The following TMEM39B variants were observed in gnomAD, a reference collection of about 807,000 sequenced individuals.
TMEM39B encodes transmembrane protein 39B.
In TMEM39B, 23 loss-of-function variants were observed where a neutral mutation model predicts 52.2. That is an observed-to-expected ratio of 0.44 (90% confidence interval 0.32 to 0.62). The LOEUF (loss-of-function observed/expected upper bound fraction) is 0.62, where lower values mean the gene tolerates loss of function less well. Ranked by LOEUF, TMEM39B falls within the 20% of genes least tolerant of loss-of-function variation. The pLI, the probability that TMEM39B is intolerant of heterozygous loss-of-function variation, is 0.06. For missense variants in TMEM39B, 547 were observed against 642.0 expected, an observed-to-expected ratio of 0.85 and a Z score of 1.60; for synonymous variants, 285 against 264.0, an observed-to-expected ratio of 1.08 and a Z score of -0.77.
intron 5 of TMEM39B, 56 bp downstream of exon 5, chr1:32,077,374 C>A: frequency 6.3e-7 from 1 of 1,598,096 alleles, no homozygotes; most frequent in African/African-American, 1.3e-5. Flanking sequence ...TGACCTCTGC[C>A]CTGACCGTAG....
chr1:32,097,242 C>A (rs980107469), intron 7 of TMEM39B, among the ~76,000 whole-genome samples: 22 of 152,160 alleles, frequency 1.4e-4, no homozygotes, highest in African/African-American at 5.3e-4. Context: ...GATCCTTCCC[C>A]CAAGACAAAC....
At chr1:32,089,987 G>A (rs373404967) in intron 5 of TMEM39B, among the ~76,000 whole-genome samples, 15 of 150,270 alleles carry the variant, frequency 1.0e-4, no homozygotes, top group East Asian at 4.1e-4. Context: ...TAAGATCGCG[G>A]CACTGCACTC....
chr1:32,075,171 A>G (rs1160172218), intron 2 of TMEM39B, 94 bp downstream of exon 2: 1 of 1,456,906 alleles, frequency 6.9e-7, no homozygotes, highest in African/African-American at 1.4e-5. Flanking sequence ...GTGAAATCCT[A>G]GATGCCAGTG....
chr1:32,076,316 G>T (rs1639858874), intron 3 of TMEM39B: 1 of 291,176 alleles, frequency 3.4e-6, no homozygotes. Flanking sequence ...TCACCATGTT[G>T]GTCAGGCTAG....
chr1:32,093,108 C>CT (rs998536247), intron 6 of TMEM39B, among the ~76,000 whole-genome samples: 8 of 151,144 alleles, frequency 5.3e-5, no homozygotes, highest in Admixed American at 6.6e-5. Flanking sequence ...CTTAATCTCT[C>CT]TTTTTTTTTA....
At chr1:32,073,926 T>C (rs1639746814) in intron 1 of TMEM39B, 1 of 976,556 alleles carries the variant, frequency 1.0e-6, no homozygotes, top group Non-Finnish European at 1.2e-6. Context: ...ATATATATTT[T>C]TTAATAGAGA....
intron 5 of TMEM39B, among the ~76,000 whole-genome samples, chr1:32,082,707 T>C (rs886282850): frequency 3.3e-5 from 5 of 152,162 alleles, no homozygotes; most frequent in African/African-American, 1.2e-4. Context: ...CCATTCATCT[T>C]GGCCTCCCAA....
chr1:32,096,054 G>T (rs1217201980), intron 7 of TMEM39B, among the ~76,000 whole-genome samples: 1 of 152,142 alleles, frequency 6.6e-6, no homozygotes, highest in East Asian at 1.9e-4. Flanking sequence ...AGATGTTTCT[G>T]CCTCATCTTT....
chr1:32,092,280 T>G (rs1640639162), intron 6 of TMEM39B, among the ~76,000 whole-genome samples: 1 of 152,056 alleles, frequency 6.6e-6, no homozygotes, highest in Admixed American at 6.6e-5. Flanking sequence ...TCTCAGCCTC[T>G]TGAGTAGCTG....
intron 1 of TMEM39B, chr1:32,073,488 T>C: frequency 4.1e-6 from 4 of 980,880 alleles, no homozygotes; most frequent in Non-Finnish European, 3.7e-6. Flanking sequence ...GCTTCTGGGC[T>C]GAGAGGGCTT....
chr1:32,101,966 G>A (rs539033045), intron 8 of TMEM39B, among the ~76,000 whole-genome samples: 4 of 152,210 alleles, frequency 2.6e-5, no homozygotes, highest in African/African-American at 7.2e-5. Context: ...TGTAGAGTCT[G>A]TAATAACTTT....
rs572486651 is a variant in TMEM39B at position 32,089,096 on chromosome 1, A to G, written c.591-2579A>G. Among the ~76,000 whole-genome samples, 13 of 151,926 alleles carry G rather than the reference A, an allele frequency of 8.6e-5. No individual in the cohort carries two copies. The South Asian group carries it at 2.1e-3, about 24-fold the overall frequency. ...GCTCATAGAGGTTAAATAACTTGCC[A>G]TAAATCACAGAGCTAGTAAGTGGCA... On this transcript the variant is annotated intron_variant, in intron 5 of 8. Coordinates refer to ENST00000336294, the MANE Select transcript of TMEM39B (RefSeq NM_018056.4).
chr1:32,076,815 G>C lies in TMEM39B; in HGVS notation c.404G>C (p.Gly135Ala). ...CTGATGGTGACCACCATCGTTCTGG[G>C]CCGCCGCTTCATTGGGTCCATCGTG... The part of the protein sequence containing the change: ...NLLMVTTIVL[G>A]RRFIGSIVKE... Residue 135 changes from glycine (G) to alanine (A), a missense_variant, in exon 4 of 9, where the codon GGC becomes GCC. Transcript: ENST00000336294. 1 of 1,614,038 alleles carries C rather than the reference G, an allele frequency of 6.2e-7. No homozygotes were observed. Among genetic ancestry groups the C allele is most frequent in the East Asian group, 2.2e-5 (1 of 44,858 alleles).
chr1:32,073,186 C>G (rs900639645), intron 1 of TMEM39B, 135 bp downstream of exon 1: 27 of 1,155,680 alleles, frequency 2.3e-5, no homozygotes, highest in Non-Finnish European at 3.1e-5. Flanking sequence ...CAGACGGGAT[C>G]CCGCCCCCTC....
intron 7 of TMEM39B, among the ~76,000 whole-genome samples, chr1:32,097,389 G>A (rs1557441196): frequency 6.6e-6 from 1 of 150,862 alleles, no homozygotes; most frequent in African/African-American, 2.4e-5. Context: ...GGAGTGCAGT[G>A]GCGCGATCTT....
intron 6 of TMEM39B, 110 bp from the exon 7 acceptor site, chr1:32,094,674 G>C: frequency 8.3e-7 from 1 of 1,201,760 alleles, no homozygotes; most frequent in South Asian, 1.4e-5. Flanking sequence ...AGGCTATTCT[G>C]AGGTCTCCCC....
intron 7 of TMEM39B, among the ~76,000 whole-genome samples, chr1:32,098,607 C>T (rs1381814751): frequency 2.0e-5 from 3 of 152,196 alleles, no homozygotes; most frequent in East Asian, 1.9e-4. Context: ...GTGGCGGGCG[C>T]CTGTAGTCCC....
upstream of TMEM39B, chr1:32,072,894 C>T: frequency 1.9e-6 from 2 of 1,045,956 alleles, no homozygotes; most frequent in Non-Finnish European, 2.6e-6. Context: ...CAGCTTCCAG[C>T]CCGCCTTGTA....
intron 5 of TMEM39B, among the ~76,000 whole-genome samples, chr1:32,087,311 C>G (rs1640395020): frequency 8.4e-6 from 1 of 118,526 alleles, no homozygotes; most frequent in African/African-American, 3.4e-5. Context: ...GAGTGAGACT[C>G]CGTCTCACAA....
Sources: allele counts gnomAD v4.1 joint callset (sites outside exome capture counted in the v4.1 genomes callset), GRCh38; gene constraint gnomAD v4.1.1; transcripts MANE v1.5; gene names NCBI Gene and HGNC (gene_info 2026-07-23, HGNC 2026-07-21).